The following SUPT3H variants were observed in gnomAD, a reference collection of about 807,000 sequenced individuals.
SUPT3H encodes transcription initiation protein SPT3 homolog.
SUPT3H carries 44 observed loss-of-function variants against 44.3 expected under a neutral mutation model. The observed-to-expected ratio is 0.99, with a 90% CI of 0.78 to 1.28. The LOEUF (loss-of-function observed/expected upper bound fraction) is 1.28. SUPT3H is among the 50% of genes most tolerant of loss of function. The pLI is 0.00. For synonymous variants in SUPT3H, 124 were observed against 125.6 expected, an observed-to-expected ratio of 0.99 and a Z score of 0.09; for missense variants, 380 against 387.1, an observed-to-expected ratio of 0.98 and a Z score of 0.15.
chr6:44,848,479 A>T (rs1772288732), intron 10 of SUPT3H, among the ~76,000 whole-genome samples: 1 of 152,170 alleles, frequency 6.6e-6, no homozygotes, highest in Admixed American at 6.5e-5. Flanking sequence ...TAGGGAGAAA[A>T]ATCAAAACCT....
chr6:45,341,116 A>G (rs1009181365), intron 2 of SUPT3H, among the ~76,000 whole-genome samples: 1 of 152,194 alleles, frequency 6.6e-6, no homozygotes, highest in South Asian at 2.1e-4. Context: ...AATCCTTGAC[A>G]TGTACTATTC....
chr6:44,951,376 A>G (rs983171046), intron 9 of SUPT3H, among the ~76,000 whole-genome samples: 3 of 151,992 alleles, frequency 2.0e-5, no homozygotes, highest in Non-Finnish European at 2.9e-5. Flanking sequence ...CAGAGATCAC[A>G]TCAGTCTCCA....
intron 11 of SUPT3H, among the ~76,000 whole-genome samples, chr6:44,815,350 A>G (rs1223987663): frequency 6.6e-6 from 1 of 152,216 alleles, no homozygotes. Context: ...TTTAAATGTA[A>G]CCATATCAAT....
At position 45,183,680 on chromosome 6, in the gene SUPT3H, C is replaced by T. The variant is rs145145236; in HGVS notation, c.102-77674G>A. 3.3e-4 allele frequency among the ~76,000 whole-genome samples: 50 copies of T among 152,192 alleles called. No homozygotes were observed. The East Asian group carries it at 8.9e-3, about 27-fold the overall frequency. On this transcript the variant is annotated intron_variant, in intron 2 of 10. Coordinates refer to ENST00000371459, the MANE Select transcript of SUPT3H (RefSeq NM_003599.4). ...TCCAACACTGGGGATCACATTTCAG[C>T]GAGATTTGGAGGGGACACACATCCA...
chr6:44,998,069 A>G (rs1781508814), intron 6 of SUPT3H, among the ~76,000 whole-genome samples: 1 of 151,876 alleles, frequency 6.6e-6, no homozygotes, highest in Non-Finnish European at 1.5e-5. Context: ...CTATATTCCT[A>G]AGGAAGGTAT....
chr6:45,299,429 A>G (rs974946462), intron 2 of SUPT3H, among the ~76,000 whole-genome samples: 7 of 152,152 alleles, frequency 4.6e-5, no homozygotes, highest in Non-Finnish European at 1.0e-4. Flanking sequence ...GTCCCCTTTA[A>G]CAAAAGAAAT....
intron 3 of SUPT3H, among the ~76,000 whole-genome samples, chr6:45,040,343 C>T (rs1056216675): frequency 5.3e-5 from 8 of 152,068 alleles, no homozygotes; most frequent in Non-Finnish European, 4.4e-5. Flanking sequence ...AAATGCTATA[C>T]TATAATGTAA....
chr6:45,120,988 T>C (rs1801581049), intron 2 of SUPT3H, among the ~76,000 whole-genome samples: 2 of 152,164 alleles, frequency 1.3e-5, no homozygotes, highest in South Asian at 4.1e-4. Context: ...TAGATTATAA[T>C]ACAAATATTA....
At chr6:44,906,564 C>T (rs1353285430) in intron 10 of SUPT3H, among the ~76,000 whole-genome samples, 1 of 152,134 alleles carries the variant, frequency 6.6e-6, no homozygotes, top group Non-Finnish European at 1.5e-5. Flanking sequence ...GAGTTTGAGA[C>T]CAGCCTGGCC....
intron 2 of SUPT3H, among the ~76,000 whole-genome samples, chr6:45,214,860 C>G (rs942306509): frequency 6.6e-6 from 1 of 152,116 alleles, no homozygotes; most frequent in African/African-American, 2.4e-5. Flanking sequence ...GAGCCAAGAC[C>G]TGCTGCTTGT....
intron 2 of SUPT3H, among the ~76,000 whole-genome samples, chr6:45,164,352 GTGTA>G (rs1809513384): frequency 6.6e-6 from 1 of 152,158 alleles, no homozygotes; most frequent in Non-Finnish European, 1.5e-5. Flanking sequence ...AAATGTGTGG[GTGTA>G]TGTGTGTTTG....
intron 3 of SUPT3H, among the ~76,000 whole-genome samples, chr6:45,069,991 T>C (rs949378097): frequency 1.3e-5 from 2 of 152,162 alleles, no homozygotes; most frequent in African/African-American, 4.8e-5. Context: ...TCAGCAAAGG[T>C]GTGCAACAAA....
chr6:45,053,415 C>A (rs2153537544), intron 3 of SUPT3H, among the ~76,000 whole-genome samples: 1 of 152,038 alleles, frequency 6.6e-6, no homozygotes, highest in African/African-American at 2.4e-5. Context: ...GCAGAAGATA[C>A]CTGATGGGGT....
intron 2 of SUPT3H, among the ~76,000 whole-genome samples, chr6:45,336,737 A>T (rs1788638849): frequency 6.6e-6 from 1 of 151,460 alleles, no homozygotes; most frequent in Non-Finnish European, 1.5e-5. Context: ...AAGTAAATAC[A>T]TATTAGATGT....
intron 3 of SUPT3H, among the ~76,000 whole-genome samples, chr6:45,078,073 A>G (rs1182677683): frequency 2.0e-5 from 3 of 152,176 alleles, no homozygotes; most frequent in East Asian, 1.9e-4. Context: ...GAGTTTCGCC[A>G]TGTTGGCCAG....
At chr6:44,859,834 T>C (rs1032256923) in intron 10 of SUPT3H, among the ~76,000 whole-genome samples, 4 of 152,222 alleles carry the variant, frequency 2.6e-5, no homozygotes, top group African/African-American at 7.2e-5. Flanking sequence ...CTTAACCCCA[T>C]TTCTTGTCCT....
intron 2 of SUPT3H, among the ~76,000 whole-genome samples, chr6:45,298,642 CT>C (rs1486585099): frequency 1.3e-5 from 2 of 151,908 alleles, no homozygotes; most frequent in Non-Finnish European, 2.9e-5. Context: ...CCAAACAACA[CT>C]TTGTAAAACA....
chr6:45,176,203 G>A (rs1421556076), intron 2 of SUPT3H, among the ~76,000 whole-genome samples: 1 of 151,868 alleles, frequency 6.6e-6, no homozygotes, highest in African/African-American at 2.4e-5. Flanking sequence ...AGTGGGCGCA[G>A]GTCAGTGGGT....
intron 2 of SUPT3H, among the ~76,000 whole-genome samples, chr6:45,336,149 A>T (rs1225689828): frequency 6.6e-6 from 1 of 151,246 alleles, no homozygotes; most frequent in African/African-American, 2.4e-5. Context: ...AAACACATAT[A>T]CATTATTTCT....
Sources: gnomAD v4.1 joint callset for allele counts (sites outside exome capture counted in the v4.1 genomes callset) on GRCh38, gnomAD v4.1.1 for gene constraint, MANE v1.5 for transcripts, NCBI Gene and HGNC (gene_info 2026-07-23, HGNC 2026-07-21) for gene names.